The following BRD1 variants were observed in gnomAD, a reference collection of about 807,000 sequenced individuals.
BRD1 encodes the protein bromodomain containing 1, also known as bromodomain-containing protein 1.
BRD1 carries 24 observed loss-of-function variants against 107.7 expected under a neutral mutation model. The ratio of observed to expected loss-of-function variants is 0.22; its 90% confidence interval spans 0.16 to 0.31. The LOEUF (loss-of-function observed/expected upper bound fraction) is 0.31. Ranked by LOEUF, BRD1 falls within the 10% of genes least tolerant of loss-of-function variation. The pLI is 1.00. For missense variants in BRD1, 1,279 were observed against 1,638.6 expected, an observed-to-expected ratio of 0.78 and a Z score of 3.79; for synonymous variants, 744 against 686.1, an observed-to-expected ratio of 1.08 and a Z score of -1.32.
At chr22:49,785,957 A>G (rs181486978) in intron 8 of BRD1, among the ~76,000 whole-genome samples, 1 of 152,180 alleles carries the variant, frequency 6.6e-6, no homozygotes, top group Non-Finnish European at 1.5e-5. Flanking sequence ...GATGTGAGGG[A>G]GTGGCCTGGG....
intron 4 of BRD1, 60 bp downstream of exon 4, chr22:49,798,928 G>A: frequency 6.5e-7 from 1 of 1,535,906 alleles, no homozygotes; most frequent in South Asian, 1.2e-5. Flanking sequence ...GGAGCTGCCA[G>A]CGTCCCACCC....
rs201984154 is a variant in BRD1, at chr22:49,781,990, A to G, written c.2858-4177T>C. On this transcript the variant is annotated intron_variant, in intron 8 of 12. Coordinates refer to ENST00000404760, the MANE Select transcript of BRD1 (RefSeq NM_001304808.3). Reference sequence around the variant, plus strand: ...ACGGTCCGAGACAGACCCAAGGCCCAGGCCAGATGCCTGCACAAGACTTGC... The same window carrying G: ...ACGGTCCGAGACAGACCCAAGGCCCGGGCCAGATGCCTGCACAAGACTTGC... 3.6e-4 allele frequency among the ~76,000 whole-genome samples: 54 copies of G among 150,222 alleles called. No homozygotes were observed. The East Asian group carries it at 9.8e-3, about 27-fold the overall frequency.
intron 8 of BRD1, among the ~76,000 whole-genome samples, chr22:49,782,214 G>C (rs1485439228): frequency 1.3e-4 from 18 of 136,066 alleles, no homozygotes; most frequent in East Asian, 4.5e-4. Flanking sequence ...CAAGGCCCAT[G>C]TTGCTGGGAC....
intron 2 of BRD1, among the ~76,000 whole-genome samples, chr22:49,821,510 A>C (rs1419952362): frequency 6.6e-6 from 1 of 152,216 alleles, no homozygotes; most frequent in Non-Finnish European, 1.5e-5. Flanking sequence ...ATTCTGTCTG[A>C]ATTGACTAAT....
In BRD1 at chr22:49,787,604, A is replaced by G; in HGVS notation, c.2643T>C (p.Thr881=). The G allele has an allele frequency of 1.9e-6, 3 of 1,554,408 alleles. No homozygotes were observed. The highest frequency in any genetic ancestry group is 2.6e-6 in the Non-Finnish European group (3 of 1,148,638). The change falls in exon 8 of 13, where the codon ACT becomes ACC. Residue 881 remains threonine, a synonymous_variant. Coordinates refer to ENST00000404760, the MANE Select transcript of BRD1 (RefSeq NM_001304808.3). ...AEPASDVNRR[T]SVLFCKSKSV... ...TTTTCGATTTGCAGAAGAGAACAGA[A>G]GTGCGTCTGTTTACATCGCTTGCTG... is the stretch of plus-strand genomic sequence containing the variant.
Position 49,790,043 on chromosome 22 carries a change from C to T in BRD1, c.2360-2156G>A, listed in dbSNP as rs186066172. Reference sequence around the variant, plus strand: ...GCTCCACATGCAGGCCGGGCTCCAGCCGCCAGCACGCAGGCTAAAGGATGC... The same window carrying T: ...GCTCCACATGCAGGCCGGGCTCCAGTCGCCAGCACGCAGGCTAAAGGATGC... On this transcript the variant is annotated intron_variant, in intron 7 of 12. Transcript: ENST00000404760. Among the ~76,000 whole-genome samples, 905 of 152,350 alleles carry T rather than the reference C, an allele frequency of 5.9e-3. 10 individuals carry two copies. Among genetic ancestry groups the T allele is most frequent in the Non-Finnish European group, 9.7e-3 (663 of 68,028 alleles).
chr22:49,807,764 A>G (rs2059772416), intron 2 of BRD1, among the ~76,000 whole-genome samples: 1 of 152,252 alleles, frequency 6.6e-6, no homozygotes, highest in Non-Finnish European at 1.5e-5. Context: ...GGGCTTCATG[A>G]AAAATGTTAA....
intron 1 of BRD1, among the ~76,000 whole-genome samples, chr22:49,827,081 G>A (rs2060154883): frequency 6.6e-6 from 1 of 151,990 alleles, no homozygotes; most frequent in Non-Finnish European, 1.5e-5. Flanking sequence ...GCAGAGCTCG[G>A]CGGGCCTGTC....
intron 8 of BRD1, among the ~76,000 whole-genome samples, chr22:49,786,903 G>A (rs1459700086): frequency 6.7e-6 from 1 of 148,414 alleles, no homozygotes; most frequent in East Asian, 1.9e-4. Flanking sequence ...GACCAGCCGG[G>A]ACAACACAGC....
At chr22:49,804,119 C>T (rs1046229040) in intron 3 of BRD1, 85 bp downstream of exon 3, 16 of 1,294,524 alleles carry the variant, frequency 1.2e-5, no homozygotes, top group African/African-American at 1.0e-4. Flanking sequence ...GGGGCAGCAC[C>T]GTGACCAGCC....
chr22:49,789,298 G>A (rs141247997), intron 7 of BRD1, among the ~76,000 whole-genome samples: 2 of 152,192 alleles, frequency 1.3e-5, no homozygotes, highest in Non-Finnish European at 2.9e-5. Flanking sequence ...AAACACCTGG[G>A]AACACTGGCC....
At chr22:49,816,209 G>A (rs563292635) in intron 2 of BRD1, among the ~76,000 whole-genome samples, 3 of 152,324 alleles carry the variant, frequency 2.0e-5, no homozygotes, top group South Asian at 2.1e-4. Flanking sequence ...AGGGGGCCGC[G>A]GCCGGTGGCT....
At chr22:49,776,638 C>A (rs901552489) in intron 10 of BRD1, among the ~76,000 whole-genome samples, 1 of 152,168 alleles carries the variant, frequency 6.6e-6, no homozygotes, top group Non-Finnish European at 1.5e-5. Context: ...GAGGGCTGTG[C>A]GACCCCAAAC....
rs1404772230 is a variant in BRD1, at chr22:49,798,537, AC to A, written c.1785+20del. 6.2e-7 allele frequency: 1 copy of A among 1,613,998 alleles called. No homozygotes were observed. Among genetic ancestry groups the A allele is most frequent in the Non-Finnish European group, 8.5e-7 (1 of 1,180,040 alleles). ...CACAGTCACACATGCGGCAGGACAG[AC>A]GAGCGCCGCAAACACCCACCTCCTT... On this transcript the variant is annotated intron_variant, in intron 5 of 12. Coordinates refer to ENST00000404760, the MANE Select transcript of BRD1 (RefSeq NM_001304808.3).
intron 3 of BRD1, among the ~76,000 whole-genome samples, chr22:49,802,965 G>C (rs2059669450): frequency 6.6e-6 from 1 of 152,254 alleles, no homozygotes; most frequent in Non-Finnish European, 1.5e-5. Flanking sequence ...TCACAGACCT[G>C]CCCGGGGAGC....
intron 8 of BRD1, among the ~76,000 whole-genome samples, chr22:49,782,683 T>C (rs967071536): frequency 1.4e-5 from 2 of 146,152 alleles, no homozygotes; most frequent in Admixed American, 6.8e-5. Flanking sequence ...GCAGCTGGGA[T>C]GGTCAGAGAC....
chr22:49,823,246 C>T lies in BRD1; in HGVS notation c.1072G>A (p.Ala358Thr). Residue 358 changes from alanine (A) to threonine (T), a missense_variant, in exon 2 of 13, where the codon GCT (alanine) becomes ACT (threonine). Around this residue, in one of 7 missense-constraint regions of BRD1, gnomAD observed 158 missense variants for 310.2 expected, o/e 0.51. Transcript: ENST00000404760. ...TAFHVTCAQKAGLYMKMEPVK... is the reference protein window; with the variant it reads ...TAFHVTCAQKTGLYMKMEPVK... ...GGCTCCATTTTCATGTACAGGCCAG[C>T]CTTCTGGGCACACGTCACATGGAAT... 1.2e-6 allele frequency: 2 copies of T among 1,614,212 alleles called. No homozygotes were observed. Among genetic ancestry groups the T allele is most frequent in the Non-Finnish European group, 1.7e-6 (2 of 1,180,038 alleles).
intron 1 of BRD1, among the ~76,000 whole-genome samples, chr22:49,825,361 T>C (rs2060135540): frequency 6.6e-6 from 1 of 152,138 alleles, no homozygotes; most frequent in Non-Finnish European, 1.5e-5. Flanking sequence ...CCTGAAGACT[T>C]GGCCACAGAG....
chr22:49,798,048 G>A lies in BRD1; in HGVS notation c.1855C>T (p.Gln619Ter). The change falls in exon 6 of 13, where the codon CAA becomes TAA. Residue 619 changes from glutamine to a stop codon, truncating the protein, a stop_gained. Transcript: ENST00000404760. LOFTEE classifies it high-confidence loss of function. ...FATMRKRLEAQGYKNLHEFEE... is the reference protein window; with the variant it reads ...FATMRKRLEA ...AACTCATGGAGGTTTTTATACCCTT[G>A]AGCTTCTAACCGTTTCCTCATTGTG... 1 of 1,614,182 alleles carries A rather than the reference G, an allele frequency of 6.2e-7. No individual in the cohort carries two copies. Among genetic ancestry groups the A allele is most frequent in the Non-Finnish European group, 8.5e-7 (1 of 1,180,016 alleles).
Sources: gnomAD v4.1 joint callset for allele counts (sites outside exome capture counted in the v4.1 genomes callset) on GRCh38, gnomAD v4.1.1 for gene constraint, gnomAD v4.1.1 regional missense constraint, MANE v1.5 for transcripts, NCBI Gene and HGNC (gene_info 2026-07-23, HGNC 2026-07-21) for gene names.